AGBL4: variants seen among roughly 807,000 people sequenced by gnomAD.
AGBL4 encodes the protein cytosolic carboxypeptidase 6.
AGBL4 carries 58 observed loss-of-function variants against 66.4 expected under a neutral mutation model. That is an observed-to-expected ratio of 0.87 (90% CI 0.71 to 1.09). The LOEUF is 1.09. Ranked by LOEUF, AGBL4 falls within the 50% of genes least tolerant of loss-of-function variation. AGBL4 has a pLI of 0.00. For synonymous variants in AGBL4, 234 were observed against 222.9 expected (o/e 1.05, Z -0.44); for missense variants, 579 against 631.0 (o/e 0.92, Z 0.88).
intron 3 of AGBL4, among the ~76,000 whole-genome samples, chr1:49,585,791 G>T (rs547123814): frequency 2.6e-5 from 4 of 152,324 alleles, no homozygotes; most frequent in South Asian, 4.1e-4. Context: ...GTGGGGTGCT[G>T]CTATGACAAA....
At chr1:48,548,921 A>C (rs1293906749) in intron 11 of AGBL4, among the ~76,000 whole-genome samples, 1 of 152,214 alleles carries the variant, frequency 6.6e-6, no homozygotes, top group Non-Finnish European at 1.5e-5. Flanking sequence ...TATTCATATT[A>C]AGTGGCTTCT....
At chr1:49,307,501 A>C (rs1163226104) in intron 3 of AGBL4, among the ~76,000 whole-genome samples, 2 of 152,148 alleles carry the variant, frequency 1.3e-5, no homozygotes, top group African/African-American at 4.8e-5. Flanking sequence ...TGATGTGAAG[A>C]CTAGAGATAC....
intron 3 of AGBL4, among the ~76,000 whole-genome samples, chr1:49,643,791 T>C (rs1253722096): frequency 6.6e-6 from 1 of 151,594 alleles, no homozygotes; most frequent in Non-Finnish European, 1.5e-5. Context: ...ATGAAATAAT[T>C]CAACATCAAC....
intron 6 of AGBL4, among the ~76,000 whole-genome samples, chr1:48,724,997 C>A (rs1216145581): frequency 2.6e-5 from 4 of 152,186 alleles, no homozygotes; most frequent in African/African-American, 9.7e-5. Context: ...AGGGAAAAAT[C>A]ATTTGAGCCT....
intron 4 of AGBL4, among the ~76,000 whole-genome samples, chr1:49,071,072 G>T (rs1644593952): frequency 6.6e-6 from 1 of 151,902 alleles, no homozygotes; most frequent in African/African-American, 2.4e-5. Context: ...TTGTATTTCT[G>T]TGGGATTGGT....
At chr1:48,721,053 T>G (rs924237538) in intron 6 of AGBL4, among the ~76,000 whole-genome samples, 3 of 149,748 alleles carry the variant, frequency 2.0e-5, no homozygotes, top group African/African-American at 7.4e-5. Context: ...CAGCTGAAGG[T>G]AGAGAGGCAG....
At chr1:49,839,862 T>C (rs1287492822) in intron 2 of AGBL4, among the ~76,000 whole-genome samples, 1 of 152,186 alleles carries the variant, frequency 6.6e-6, no homozygotes, top group East Asian at 1.9e-4. Context: ...TATAATTCTA[T>C]GAGGGAAATT....
intron 3 of AGBL4, among the ~76,000 whole-genome samples, chr1:49,675,567 A>G (rs1646562842): frequency 6.6e-6 from 1 of 152,104 alleles, no homozygotes; most frequent in South Asian, 2.1e-4. Context: ...AATAAAAAAT[A>G]AAAATAAAAT....
intron 3 of AGBL4, among the ~76,000 whole-genome samples, chr1:49,313,242 T>C (rs1174011007): frequency 6.6e-6 from 1 of 152,164 alleles, no homozygotes; most frequent in African/African-American, 2.4e-5. Context: ...CCATGGTGTA[T>C]ATGTGCCACA....
intron 11 of AGBL4, among the ~76,000 whole-genome samples, chr1:48,557,835 G>A (rs1226791677): frequency 6.6e-6 from 1 of 152,182 alleles, no homozygotes; most frequent in Admixed American, 6.5e-5. Context: ...GAAGCGCACA[G>A]CTCAGGAGCC....
intron 6 of AGBL4, among the ~76,000 whole-genome samples, chr1:48,782,211 T>G (rs1209229432): frequency 6.6e-6 from 1 of 152,232 alleles, no homozygotes; most frequent in Non-Finnish European, 1.5e-5. Context: ...CGACTCTCTT[T>G]TTCTGTGGGC....
chr1:49,917,781 A>G (rs551957906), intron 1 of AGBL4, among the ~76,000 whole-genome samples: 7 of 152,340 alleles, frequency 4.6e-5, no homozygotes, highest in Admixed American at 2.6e-4. Flanking sequence ...CAGAATATAC[A>G]TTCTTCTCAG....
chr1:49,598,895 G>A (rs970174835), intron 3 of AGBL4, among the ~76,000 whole-genome samples: 1 of 152,124 alleles, frequency 6.6e-6, no homozygotes, highest in African/African-American at 2.4e-5. Flanking sequence ...TTATGTGATG[G>A]ATTACATTTA....
At chr1:49,935,881 T>A (rs1029114113) in intron 1 of AGBL4, among the ~76,000 whole-genome samples, 1 of 151,772 alleles carries the variant, frequency 6.6e-6, no homozygotes, top group Non-Finnish European at 1.5e-5. Flanking sequence ...ATCACAAAGA[T>A]GGGGAAAAAA....
intron 1 of AGBL4, among the ~76,000 whole-genome samples, chr1:49,915,309 A>G (rs1278198902): frequency 6.6e-6 from 1 of 152,114 alleles, no homozygotes; most frequent in African/African-American, 2.4e-5. Context: ...AGGAAGTGCA[A>G]GGGGTCAGGG....
intron 4 of AGBL4, among the ~76,000 whole-genome samples, chr1:49,234,486 T>A (rs1232157619): frequency 1.3e-5 from 2 of 152,208 alleles, no homozygotes. Flanking sequence ...ATGTGCAGTT[T>A]GAGGTATATA....
intron 3 of AGBL4, among the ~76,000 whole-genome samples, chr1:49,474,341 C>G (rs1433725243): frequency 6.6e-6 from 1 of 151,942 alleles, no homozygotes; most frequent in Non-Finnish European, 1.5e-5. Flanking sequence ...AGAGATATTT[C>G]ACTTCCTTGG....
chr1:48,620,433 T>A (rs1645393000), intron 9 of AGBL4, among the ~76,000 whole-genome samples: 1 of 152,098 alleles, frequency 6.6e-6, no homozygotes, highest in Non-Finnish European at 1.5e-5. Flanking sequence ...CGCACCATCA[T>A]GCTCGGCTTT....
At chr1:49,954,408 C>T (rs1187413363) in intron 1 of AGBL4, among the ~76,000 whole-genome samples, 1 of 151,952 alleles carries the variant, frequency 6.6e-6, no homozygotes, top group Non-Finnish European at 1.5e-5. Flanking sequence ...GAGCAGGCTC[C>T]TTATGAAAGG....
Sources: allele counts gnomAD v4.1 joint callset (sites outside exome capture counted in the v4.1 genomes callset), GRCh38; gene constraint gnomAD v4.1.1; transcripts MANE v1.5; gene names NCBI Gene and HGNC (gene_info 2026-07-23, HGNC 2026-07-21).